SIPA1L2: variants seen among roughly 807,000 people sequenced by gnomAD.
The protein encoded by SIPA1L2 is signal induced proliferation associated 1 like 2, also known as signal-induced proliferation-associated 1-like protein 2.
Under a neutral mutation model 163.9 loss-of-function variants are expected in SIPA1L2, and 56 were observed. That is an observed-to-expected ratio of 0.34 (90% CI 0.28 to 0.43). SIPA1L2 has a LOEUF of 0.43. Ranked by LOEUF, SIPA1L2 falls within the 20% of genes least tolerant of loss-of-function variation. The pLI is 1.00. For missense variants in SIPA1L2, 1,974 were observed against 2,193.5 expected (o/e 0.90, Z 2.00); for synonymous variants, 877 against 865.7 (o/e 1.01, Z -0.23).
chr1:232,471,239 T>C, intron 8 of SIPA1L2, 132 bp downstream of exon 8: 3 of 986,340 alleles, frequency 3.0e-6, no homozygotes, highest in Non-Finnish European at 4.5e-6. Flanking sequence ...AATTATTTCT[T>C]ACAGAAAGTG....
intron 15 of SIPA1L2, among the ~76,000 whole-genome samples, chr1:232,438,310 G>A (rs1662684905): frequency 6.6e-6 from 1 of 152,166 alleles, no homozygotes. Flanking sequence ...AGAGTAACTT[G>A]GAGCTGAATC....
At chr1:232,411,679 A>G (rs920821020) in intron 19 of SIPA1L2, among the ~76,000 whole-genome samples, 1 of 150,660 alleles carries the variant, frequency 6.6e-6, no homozygotes, top group East Asian at 2.4e-4. Context: ...CAGTTAAGTT[A>G]GTTAATTTTC....
intron 1 of SIPA1L2, among the ~76,000 whole-genome samples, chr1:232,593,346 G>A (rs909662153): frequency 6.6e-6 from 1 of 152,052 alleles, no homozygotes; most frequent in African/African-American, 2.4e-5. Context: ...GAAAGGCTGG[G>A]GTGAGGAACC....
At chr1:232,528,824 C>T (rs926834013) in intron 2 of SIPA1L2, among the ~76,000 whole-genome samples, 1 of 152,208 alleles carries the variant, frequency 6.6e-6, no homozygotes, top group African/African-American at 2.4e-5. Context: ...CAAAACTTCA[C>T]AACACCACTC....
At chr1:232,553,124 G>A (rs989576159) in intron 2 of SIPA1L2, among the ~76,000 whole-genome samples, 3 of 152,198 alleles carry the variant, frequency 2.0e-5, no homozygotes, top group Admixed American at 6.5e-5. Flanking sequence ...GGGTTTTACC[G>A]AGTGGTGGAG....
At chr1:232,553,290 T>C (rs959691144) in intron 2 of SIPA1L2, among the ~76,000 whole-genome samples, 1 of 152,196 alleles carries the variant, frequency 6.6e-6, no homozygotes, top group East Asian at 1.9e-4. Context: ...TCTCTCCTTC[T>C]CTGCTGCACT....
At chr1:232,399,728 TC>T (rs1251889524) in intron 22 of SIPA1L2, among the ~76,000 whole-genome samples, 1 of 152,176 alleles carries the variant, frequency 6.6e-6, no homozygotes, top group African/African-American at 2.4e-5. Context: ...ATACTATATT[TC>T]CATAATGACC....
chr1:232,549,779 A>T (rs1573066664), intron 2 of SIPA1L2, among the ~76,000 whole-genome samples: 2 of 151,964 alleles, frequency 1.3e-5, no homozygotes, highest in South Asian at 4.2e-4. Flanking sequence ...TTGACATAAA[A>T]CTCACTGGTC....
chr1:232,441,288 T>C lies in SIPA1L2; in HGVS notation c.3642+3A>G. The C allele has an allele frequency of 1.3e-6, 2 of 1,592,136 alleles. No individual in the cohort carries two copies. Among genetic ancestry groups the C allele is most frequent in the Non-Finnish European group, 1.7e-6 (2 of 1,174,360 alleles). Reference sequence around the variant, plus strand: ...GTGAAGGGCTTATGAACAAAGGACTTACGTGAGAAAGCTTATTGGGGGAAT... The same window carrying C: ...GTGAAGGGCTTATGAACAAAGGACTCACGTGAGAAAGCTTATTGGGGGAAT... On this transcript the variant is annotated splice_donor_region_variant and intron_variant, in intron 14 of 22. Coordinates refer to ENST00000674635, the MANE Select transcript of SIPA1L2 (RefSeq NM_020808.5).
chr1:232,563,318 C>G (rs1659152879), intron 2 of SIPA1L2, among the ~76,000 whole-genome samples: 1 of 152,222 alleles, frequency 6.6e-6, no homozygotes, highest in South Asian at 2.1e-4. Flanking sequence ...ATTCCTCCAG[C>G]TTCCTCATTT....
intron 9 of SIPA1L2, chr1:232,462,284 T>C (rs1309685030): frequency 6.5e-7 from 1 of 1,550,328 alleles, no homozygotes; most frequent in East Asian, 2.4e-5. Flanking sequence ...GAATTTCAAG[T>C]TGGGAGGTAT....
At chr1:232,613,702 G>A (rs935556156) in intron 1 of SIPA1L2, among the ~76,000 whole-genome samples, 15 of 152,084 alleles carry the variant, frequency 9.9e-5, no homozygotes, top group African/African-American at 3.6e-4. Flanking sequence ...CAAAATTTAT[G>A]TGTGTGCGTG....
intron 3 of SIPA1L2, among the ~76,000 whole-genome samples, chr1:232,497,916 A>G (rs1417611086): frequency 2.0e-5 from 3 of 152,104 alleles, no homozygotes; most frequent in East Asian, 1.9e-4. Context: ...TTCTCTCACA[A>G]ATCCCCTGAC....
At chr1:232,594,494 G>A (rs1661142963) in intron 1 of SIPA1L2, among the ~76,000 whole-genome samples, 1 of 152,104 alleles carries the variant, frequency 6.6e-6, no homozygotes, top group African/African-American at 2.4e-5. Flanking sequence ...ATCACCCACA[G>A]CCATCGCTCT....
At chr1:232,485,204 T>C (rs1013828706) in intron 5 of SIPA1L2, among the ~76,000 whole-genome samples, 7 of 152,184 alleles carry the variant, frequency 4.6e-5, no homozygotes, top group African/African-American at 1.7e-4. Flanking sequence ...AAAGGAAATA[T>C]CACCTGTTTA....
intron 2 of SIPA1L2, among the ~76,000 whole-genome samples, chr1:232,555,938 T>C (rs1169267100): frequency 6.6e-6 from 1 of 152,220 alleles, no homozygotes; most frequent in African/African-American, 2.4e-5. Flanking sequence ...AACAATGTCC[T>C]TGAATAGCAT....
At chr1:232,503,933 A>T (rs1040301227) in intron 3 of SIPA1L2, among the ~76,000 whole-genome samples, 5 of 152,174 alleles carry the variant, frequency 3.3e-5, no homozygotes, top group Non-Finnish European at 7.3e-5. Flanking sequence ...GCTCCGGCCT[A>T]TAATCCCAGC....
intron 2 of SIPA1L2, among the ~76,000 whole-genome samples, chr1:232,566,968 C>T (rs950858783): frequency 2.0e-5 from 3 of 152,116 alleles, no homozygotes; most frequent in Non-Finnish European, 4.4e-5. Context: ...TGTACAGATG[C>T]TTCTTTTTGG....
At chr1:232,496,052 T>A (rs1346445044) in intron 3 of SIPA1L2, among the ~76,000 whole-genome samples, 1 of 152,162 alleles carries the variant, frequency 6.6e-6, no homozygotes, top group African/African-American at 2.4e-5. Context: ...TAATGTAAAG[T>A]GTTTATAAAG....
Sources: gnomAD v4.1 joint callset for allele counts (sites outside exome capture counted in the v4.1 genomes callset) on GRCh38, gnomAD v4.1.1 for gene constraint, MANE v1.5 for transcripts, NCBI Gene and HGNC (gene_info 2026-07-23, HGNC 2026-07-21) for gene names.